The following GRAMD1C variants were observed in gnomAD, a reference collection of about 807,000 sequenced individuals.
GRAMD1C encodes the protein protein Aster-C.
Under a neutral mutation model 97.8 loss-of-function variants are expected in GRAMD1C, and 89 were observed. The ratio of observed to expected loss-of-function variants is 0.91; its 90% CI spans 0.77 to 1.09. The LOEUF (loss-of-function observed/expected upper bound fraction) is 1.09. Ranked by LOEUF, GRAMD1C falls within the 50% of genes least tolerant of loss-of-function variation. GRAMD1C has a pLI of 0.00. For missense variants in GRAMD1C, 740 were observed against 766.4 expected (o/e 0.97, Z 0.41); for synonymous variants, 256 against 267.0 (o/e 0.96, Z 0.40).
chr3:113,921,828 T>C (rs1161883033), intron 10 of GRAMD1C, among the ~76,000 whole-genome samples: 1 of 152,224 alleles, frequency 6.6e-6, no homozygotes, highest in Admixed American at 6.5e-5. Context: ...TGCTTATTAA[T>C]TTCTTTAAGT....
intron 3 of GRAMD1C, among the ~76,000 whole-genome samples, chr3:113,870,519 C>T (rs578141412): frequency 6.6e-6 from 1 of 152,206 alleles, no homozygotes; most frequent in African/African-American, 2.4e-5. Flanking sequence ...TGTTCAGTAT[C>T]ACATGGGGAG....
intron 9 of GRAMD1C, among the ~76,000 whole-genome samples, chr3:113,911,173 G>GAGACACACACACACACACAC (rs375233107): frequency 4.9e-4 from 73 of 147,534 alleles, no homozygotes; most frequent in African/African-American, 1.6e-3. Context: ...CAGAGAGAGA[G>GAGACACACACACACACACAC]ACACACACAC....
At chr3:113,887,634 G>A (rs920740113) in intron 6 of GRAMD1C, among the ~76,000 whole-genome samples, 1 of 150,894 alleles carries the variant, frequency 6.6e-6, no homozygotes, top group Non-Finnish European at 1.5e-5. Flanking sequence ...CGTGAACCCA[G>A]GAGGTGGAGC....
intron 6 of GRAMD1C, among the ~76,000 whole-genome samples, chr3:113,896,678 G>A (rs1223325656): frequency 6.6e-6 from 1 of 152,174 alleles, no homozygotes; most frequent in African/African-American, 2.4e-5. Flanking sequence ...TTCTTCATTT[G>A]AATGAGTAGT....
intron 9 of GRAMD1C, among the ~76,000 whole-genome samples, chr3:113,913,473 A>G (rs990093671): frequency 2.7e-5 from 4 of 150,720 alleles, no homozygotes; most frequent in African/African-American, 9.7e-5. Context: ...AAGAAACATT[A>G]TAAGTTGCAT....
intron 1 of GRAMD1C, among the ~76,000 whole-genome samples, chr3:113,841,333 T>G (rs1709784617): frequency 1.6e-5 from 2 of 122,638 alleles, no homozygotes; most frequent in Non-Finnish European, 3.2e-5. Context: ...TCGCCCAGGC[T>G]GGAGTGCAGT....
At chr3:113,920,683 G>C (rs1313998860) in intron 10 of GRAMD1C, among the ~76,000 whole-genome samples, 1 of 152,022 alleles carries the variant, frequency 6.6e-6, no homozygotes, top group Non-Finnish European at 1.5e-5. Context: ...TAGGATTACA[G>C]GTGCCCGCCA....
At chr3:113,881,159 TA>T (rs901711317) in intron 5 of GRAMD1C, among the ~76,000 whole-genome samples, 94 of 152,266 alleles carry the variant, frequency 6.2e-4, no homozygotes, top group African/African-American at 2.2e-3. Flanking sequence ...TTTATTTATT[TA>T]TTATTTTTGT....
intron 5 of GRAMD1C, among the ~76,000 whole-genome samples, chr3:113,881,176 A>G (rs1368590794): frequency 6.6e-6 from 1 of 152,284 alleles, no homozygotes; most frequent in East Asian, 1.9e-4. Context: ...TTTGTCTGAG[A>G]TGGAGTCTCA....
chr3:113,887,085 G>GTTTTTT lies in GRAMD1C; in HGVS notation c.540+4258_540+4263dup, dbSNP rs531763397. Among the ~76,000 whole-genome samples, 81 of 71,426 alleles carry GTTTTTT rather than the reference G, an allele frequency of 1.1e-3. 10 individuals carry two copies. The highest frequency in any genetic ancestry group is 3.0e-3 in the South Asian group (5 of 1,654). 46.9% of individuals were successfully genotyped at this position (71,426 alleles called of 152,430 possible). On this transcript the variant is annotated intron_variant, in intron 6 of 17. Transcript: ENST00000358160. ...ATGAGCCACTGCGCCTGGCCTTTTT[G>GTTTTTT]TTTTTTTTTTGTTTTTTTTTTTTTT... is the stretch of plus-strand genomic sequence containing the variant.
chr3:113,937,959 C>T (rs1228352094), intron 14 of GRAMD1C, 127 bp from the exon 15 acceptor site: 31 of 557,098 alleles, frequency 5.6e-5, no homozygotes, highest in South Asian at 4.3e-5. Flanking sequence ...GAGCTGAGAT[C>T]GTGCCATTGC....
intron 2 of GRAMD1C, among the ~76,000 whole-genome samples, chr3:113,857,165 AAAC>A (rs1934163864): frequency 8.2e-6 from 1 of 121,840 alleles, no homozygotes; most frequent in African/African-American, 3.0e-5. Flanking sequence ...TCCTTAAAAA[AAAC>A]AAACAAACAA....
chr3:113,869,423 A>G, intron 2 of GRAMD1C, 84 bp from the exon 3 acceptor site: 1 of 752,294 alleles, frequency 1.3e-6, no homozygotes, highest in South Asian at 1.6e-5. Flanking sequence ...TAGAAAGCAT[A>G]TGATTTTAAA....
At chr3:113,843,002 G>GAGC (rs1933421711) in intron 1 of GRAMD1C, among the ~76,000 whole-genome samples, 1 of 147,688 alleles carries the variant, frequency 6.8e-6, no homozygotes, top group Admixed American at 6.8e-5. Flanking sequence ...AGCTTAAGTG[G>GAGC]AGCAGCAGCA....
chr3:113,886,515 T>C (rs1292166260), intron 6 of GRAMD1C, among the ~76,000 whole-genome samples: 1 of 152,112 alleles, frequency 6.6e-6, no homozygotes, highest in Non-Finnish European at 1.5e-5. Flanking sequence ...CCTAAATTTT[T>C]CCCCTCTTTA....
chr3:113,878,722 T>C (rs1386998792), intron 5 of GRAMD1C, among the ~76,000 whole-genome samples: 4 of 152,170 alleles, frequency 2.6e-5, no homozygotes, highest in Non-Finnish European at 5.9e-5. Context: ...TGTAACTCCC[T>C]TCCGTGGCTA....
rs11461698 is a variant in GRAMD1C at position 113,912,739 on chromosome 3, C to CAA, written c.953-2951_953-2950dup. ...ACAAAAGAGCCAGATCCAGTCTCTT[C>CAA]AAAAAAAAAAAAGATTTAATACTTT... On this transcript the variant is annotated intron_variant, in intron 9 of 17. Coordinates refer to ENST00000358160, the MANE Select transcript of GRAMD1C (RefSeq NM_017577.5). Among the ~76,000 whole-genome samples, 408 of 137,008 alleles carry CAA rather than the reference C, an allele frequency of 3.0e-3. 1 individual carries two copies. The highest frequency in any genetic ancestry group is 5.7e-3 in the African/African-American group (216 of 37,656). 89.9% of individuals were successfully genotyped at this position (137,008 alleles called of 152,430 possible).
chr3:113,885,909 T>C, intron 6 of GRAMD1C: 1 of 1,612,946 alleles, frequency 6.2e-7, no homozygotes, highest in South Asian at 1.1e-5. Flanking sequence ...CATCAAATCC[T>C]GGTTCAGTGA....
chr3:113,862,798 A>G (rs903974931), intron 2 of GRAMD1C, among the ~76,000 whole-genome samples: 1 of 152,176 alleles, frequency 6.6e-6, no homozygotes, highest in Non-Finnish European at 1.5e-5. Flanking sequence ...GAACTAATAA[A>G]TGTCCATGAA....
Sources: gnomAD v4.1 joint callset for allele counts (sites outside exome capture counted in the v4.1 genomes callset) on GRCh38, gnomAD v4.1.1 for gene constraint, MANE v1.5 for transcripts, NCBI Gene and HGNC (gene_info 2026-07-23, HGNC 2026-07-21) for gene names.